FGF14: variants seen among roughly 807,000 people sequenced by gnomAD.
The protein encoded by FGF14 is fibroblast growth factor 14, also known as fibroblast growth factor homologous factor 4.
Under a neutral mutation model 25.5 loss-of-function variants are expected in FGF14, and 5 were observed. The ratio of observed to expected loss-of-function variants is 0.20; its 90% confidence interval spans 0.10 to 0.41. The LOEUF is 0.41. Ranked by LOEUF, FGF14 falls within the 10% of genes least tolerant of loss-of-function variation. The pLI is 1.00. For missense variants in FGF14, 222 were observed against 320.1 expected (o/e 0.69, Z 2.34); for synonymous variants, 138 against 118.3 (o/e 1.17, Z -1.08).
intron 1 of FGF14, among the ~76,000 whole-genome samples, chr13:102,371,063 T>G (rs1464944399): frequency 6.6e-6 from 1 of 152,214 alleles, no homozygotes; most frequent in Non-Finnish European, 1.5e-5. Flanking sequence ...ATGTATCCCA[T>G]GAACTATTGC....
intron 1 of FGF14, among the ~76,000 whole-genome samples, chr13:102,222,941 A>C (rs1202868725): frequency 6.6e-6 from 1 of 152,198 alleles, no homozygotes; most frequent in Non-Finnish European, 1.5e-5. Context: ...AAAATGGAGG[A>C]AATATAATGA....
intron 1 of FGF14, among the ~76,000 whole-genome samples, chr13:102,024,150 C>T (rs1320336098): frequency 6.6e-6 from 1 of 151,964 alleles, no homozygotes; most frequent in Non-Finnish European, 1.5e-5. Flanking sequence ...TAAAAATTTT[C>T]CTAGAAATAA....
chr13:101,819,082 C>T (rs2041984110), intron 3 of FGF14, among the ~76,000 whole-genome samples: 1 of 151,640 alleles, frequency 6.6e-6, no homozygotes, highest in Admixed American at 6.6e-5. Flanking sequence ...GTGCTTTGTA[C>T]CCAGTCAATC....
At chr13:102,017,726 G>A (rs1595004887) in intron 1 of FGF14, among the ~76,000 whole-genome samples, 4 of 151,960 alleles carry the variant, frequency 2.6e-5, no homozygotes, top group South Asian at 2.1e-4. Context: ...TCATTATTCC[G>A]TTTTCCTGGA....
intron 1 of FGF14, among the ~76,000 whole-genome samples, chr13:101,974,222 T>G (rs2139564726): frequency 6.6e-6 from 1 of 152,312 alleles, no homozygotes. Flanking sequence ...CAGTCACACC[T>G]TTAGAACTCA....
At chr13:102,319,149 T>C (rs2056147512) in intron 1 of FGF14, among the ~76,000 whole-genome samples, 1 of 152,230 alleles carries the variant, frequency 6.6e-6, no homozygotes, top group Non-Finnish European at 1.5e-5. Context: ...TCCTTCAAAA[T>C]GTCATGTGTA....
chr13:101,819,321 C>T (rs900499800), intron 3 of FGF14, among the ~76,000 whole-genome samples: 14 of 152,108 alleles, frequency 9.2e-5, no homozygotes, highest in South Asian at 4.1e-4. Flanking sequence ...AGTTATTTCT[C>T]TTATGAAAAA....
rs150331435 is a variant in FGF14, at chr13:101,751,493, A to C, written c.409-24683T>G. On this transcript the variant is annotated intron_variant, in intron 3 of 4. Coordinates refer to ENST00000376143, the MANE Select transcript of FGF14 (RefSeq NM_004115.4). The stretch of plus-strand genomic sequence containing the variant: ...CCACTGATGTCTTAATAAGTTCCAC[A>C]GTAGGAATTCTCAGCAATTATGCAT... 3.6e-3 allele frequency among the ~76,000 whole-genome samples: 550 copies of C among 152,326 alleles called. 3 individuals are homozygous for C. Among genetic ancestry groups the C allele is most frequent in the African/African-American group, 0.013 (525 of 41,570 alleles).
chr13:102,008,883 C>A (rs925777934), intron 1 of FGF14, among the ~76,000 whole-genome samples: 6 of 152,072 alleles, frequency 3.9e-5, no homozygotes, highest in African/African-American at 1.4e-4. Flanking sequence ...CTGTTAATTA[C>A]TCCTGTTATA....
chr13:101,937,201 T>C (rs1427559271), intron 1 of FGF14, among the ~76,000 whole-genome samples: 3 of 152,230 alleles, frequency 2.0e-5, no homozygotes, highest in Non-Finnish European at 4.4e-5. Flanking sequence ...TTGAGAATAA[T>C]GAACATATCA....
In FGF14 at chr13:101,959,224, G is replaced by A. The variant is rs762129110; in HGVS notation, c.209-83928C>T. Reference sequence around the variant, plus strand: ...ATCTGACAGGAGGTGGAGCTCCGGCGGTCATGCTCCTCAGCCACCACTCAC... The same window carrying A: ...ATCTGACAGGAGGTGGAGCTCCGGCAGTCATGCTCCTCAGCCACCACTCAC... On this transcript the variant is annotated intron_variant, in intron 1 of 4. Transcript: ENST00000376131. Among the ~76,000 whole-genome samples the A allele has an allele frequency of 7.9e-5, 12 of 152,072 alleles. No homozygotes were observed. In the South Asian group the frequency reaches 8.3e-4, roughly 11 times the overall value.
intron 3 of FGF14, among the ~76,000 whole-genome samples, chr13:101,845,963 C>T (rs1378358023): frequency 6.6e-6 from 1 of 151,960 alleles, no homozygotes; most frequent in Non-Finnish European, 1.5e-5. Flanking sequence ...ATCTGGCCAA[C>T]ATGCAACTAT....
At chr13:101,909,382 G>A (rs1362901804) in intron 1 of FGF14, among the ~76,000 whole-genome samples, 7 of 152,000 alleles carry the variant, frequency 4.6e-5, no homozygotes, top group East Asian at 1.9e-4. Context: ...AATGAACTCA[G>A]ACAAATTTGC....
intron 1 of FGF14, among the ~76,000 whole-genome samples, chr13:102,205,737 C>CAA (rs56911320): frequency 1.5e-3 from 201 of 133,780 alleles, no homozygotes; most frequent in African/African-American, 4.1e-3. Context: ...GGTTGAGAGA[C>CAA]AAAAAAAAAA....
At chr13:101,947,579 G>A (rs1397101164) in intron 1 of FGF14, among the ~76,000 whole-genome samples, 1 of 152,190 alleles carries the variant, frequency 6.6e-6, no homozygotes, top group African/African-American at 2.4e-5. Context: ...GTGAATTAAT[G>A]CAAGAGCAGA....
intron 1 of FGF14, among the ~76,000 whole-genome samples, chr13:101,949,348 A>G (rs545686591): frequency 1.3e-5 from 2 of 152,064 alleles, no homozygotes; most frequent in Non-Finnish European, 1.5e-5. Flanking sequence ...TCTGATGACT[A>G]CTGCTTGGAG....
intron 1 of FGF14, among the ~76,000 whole-genome samples, chr13:101,905,489 G>T (rs1594674692): frequency 6.6e-6 from 1 of 152,200 alleles, no homozygotes; most frequent in Non-Finnish European, 1.5e-5. Flanking sequence ...ACTCATAAGT[G>T]GGAGTTGGAC....
At chr13:101,958,048 C>G (rs1462821333) in intron 1 of FGF14, among the ~76,000 whole-genome samples, 2 of 152,112 alleles carry the variant, frequency 1.3e-5, no homozygotes, top group Non-Finnish European at 2.9e-5. Context: ...AAATAAAACA[C>G]ATTGTCTATG....
intron 3 of FGF14, among the ~76,000 whole-genome samples, chr13:101,828,393 A>T (rs983030264): frequency 4.6e-5 from 7 of 152,064 alleles, no homozygotes; most frequent in Non-Finnish European, 1.0e-4. Context: ...GTCCCTGGTA[A>T]CTGTTTCTAT....
Sources: gnomAD v4.1 joint callset for allele counts (sites outside exome capture counted in the v4.1 genomes callset) on GRCh38, gnomAD v4.1.1 for gene constraint, MANE v1.5 for transcripts, NCBI Gene and HGNC (gene_info 2026-07-23, HGNC 2026-07-21) for gene names.